ST3GAL4: variants seen among roughly 807,000 people sequenced by gnomAD.
The protein encoded by ST3GAL4 is CMP-N-acetylneuraminate-beta-galactosamide-alpha-2,3-sialyltransferase 4.
ST3GAL4 carries 24 observed loss-of-function variants against 42.6 expected under a neutral mutation model. The ratio of observed to expected loss-of-function variants is 0.56; its 90% CI spans 0.41 to 0.79. The LOEUF is 0.79. Among genes scored for constraint, ST3GAL4 ranks in the 30% least tolerant of loss-of-function variants. The pLI is 0.00. For synonymous variants in ST3GAL4, 135 were observed against 163.2 expected, an observed-to-expected ratio of 0.83 and a Z score of 1.32; for missense variants, 311 against 430.8, an observed-to-expected ratio of 0.72 and a Z score of 2.46.
At position 126,373,936 on chromosome 11, in the gene ST3GAL4, C is replaced by T. The variant is rs1341839437; in HGVS notation, c.-61+18094C>T. Among the ~76,000 whole-genome samples, 1 of 152,154 alleles carries T rather than the reference C, an allele frequency of 6.6e-6. No homozygotes were observed. ...ATCTGACCTACTGTCACTGCCTCTT[C>T]CACTCTGTTCCACCTGCACTGGAGC... On this transcript the variant is annotated intron_variant, in intron 1 of 10. Coordinates refer to ENST00000444328, the MANE Select transcript of ST3GAL4 (RefSeq NM_001254757.2). This position sits in a 1 kb window ranked among gnomAD's most constrained non-coding sequence, Gnocchi z 5.5.
chr11:126,358,363 A>T (rs77137587), intron 1 of ST3GAL4: 33,804 of 360,906 alleles, frequency 0.094, 2,050 homozygotes, highest in South Asian at 0.16. Context: ...GTGTAGGCAG[A>T]TTTGGGTGAC....
rs753318511 is a variant in ST3GAL4, at chr11:126,409,278, G to C, written c.638G>C (p.Gly213Ala). ...ILSDKKRVRK[G>A]FWKQPPLIWD... Reference sequence around the variant, plus strand: ...ACCCCATCCTCCTAGGTGCGAAAGGGTTTCTGGAAACAGCCTCCCCTCATC... The same window carrying C: ...ACCCCATCCTCCTAGGTGCGAAAGGCTTTCTGGAAACAGCCTCCCCTCATC... The change falls in exon 9 of 11, where the codon GGT (glycine) becomes GCT (alanine). Residue 213 changes from glycine (G) to alanine (A), a missense_variant. Physicochemically the swap from Gly to Ala is moderately conservative, Grantham distance 60. Transcript: ENST00000444328. The surrounding 1 kb of genome is among the most constrained non-coding windows in gnomAD (Gnocchi z 4.9). 6.2e-7 allele frequency: 1 copy of C among 1,614,250 alleles called. No individual in the cohort carries two copies. Among genetic ancestry groups the C allele is most frequent in the Non-Finnish European group, 8.5e-7 (1 of 1,180,048 alleles).
At chr11:126,370,913 C>T (rs868277549) in intron 1 of ST3GAL4, among the ~76,000 whole-genome samples, 1 of 152,098 alleles carries the variant, frequency 6.6e-6, no homozygotes, top group African/African-American at 2.4e-5. Flanking sequence ...ATCAATCTAC[C>T]TGCCTTGGCC....
Position 126,393,040 on chromosome 11 carries a change from A to G in ST3GAL4, c.-60-13056A>G, listed in dbSNP as rs746612213. On this transcript the variant is annotated intron_variant, in intron 1 of 10. Coordinates refer to ENST00000444328, the MANE Select transcript of ST3GAL4 (RefSeq NM_001254757.2). The surrounding 1 kb of genome is among the most constrained non-coding windows in gnomAD (Gnocchi z 5.9). ...ACTGCAGCCTCGATCTCCTGGACTC[A>G]GGGGGTCCTCCTGTCTCAGCCTCCC... is the stretch of plus-strand genomic sequence containing the variant. Among the ~76,000 whole-genome samples the G allele has an allele frequency of 1.1e-4, 17 of 149,304 alleles. No homozygotes were observed. Among genetic ancestry groups the G allele is most frequent in the Non-Finnish European group, 2.1e-4 (14 of 67,726 alleles).
At chr11:126,369,390 C>G (rs7103461) in intron 1 of ST3GAL4, among the ~76,000 whole-genome samples, 27,481 of 151,798 alleles carry the variant, frequency 0.18, 2,713 homozygotes, top group East Asian at 0.32. Context: ...TGGGATTACA[C>G]GTGTGTGCCA....
In ST3GAL4 at chr11:126,365,718, G is replaced by A. The variant is rs184149906; in HGVS notation, c.-61+9876G>A. ...CCAGAAAGTGTGAGCAGGCTGGTGG[G>A]GCAGCTGGAGGAAGGCCTTGCAGGT... On this transcript the variant is annotated intron_variant, in intron 1 of 10. Coordinates refer to ENST00000444328, the MANE Select transcript of ST3GAL4 (RefSeq NM_001254757.2). Among the ~76,000 whole-genome samples the A allele has an allele frequency of 1.8e-3, 276 of 152,300 alleles. 1 individual carries two copies. The highest frequency in any genetic ancestry group is 6.2e-3 in the African/African-American group (256 of 41,550).
chr11:126,401,404 C>G (rs538827731), intron 1 of ST3GAL4, among the ~76,000 whole-genome samples: 2 of 152,060 alleles, frequency 1.3e-5, no homozygotes, highest in Non-Finnish European at 2.9e-5. Context: ...CCCGTCTCTA[C>G]TAAACATACA....
In ST3GAL4 at chr11:126,402,398, G is replaced by A. The variant is rs576532898; in HGVS notation, c.-60-3698G>A. 5.4e-5 allele frequency among the ~76,000 whole-genome samples: 8 copies of A among 148,812 alleles called. 1 individual carries two copies. Among genetic ancestry groups the A allele is most frequent in the Admixed American group, 4.0e-4 (6 of 14,944 alleles). On this transcript the variant is annotated intron_variant, in intron 1 of 10. Transcript: ENST00000444328. ...TTGAACCTGGGAGGTGGAGGTTGCC[G>A]TAAGCTGATGGCACCACTGCACTTT...
rs1351388537 is a variant in ST3GAL4 at position 126,384,224 on chromosome 11, T to C, written c.-60-21872T>C. 6.6e-6 allele frequency among the ~76,000 whole-genome samples: 1 copy of C among 152,170 alleles called. No individual in the cohort carries two copies. The highest frequency in any genetic ancestry group is 2.4e-5 in the African/African-American group (1 of 41,424). On this transcript the variant is annotated intron_variant, in intron 1 of 10. Transcript: ENST00000444328. This position sits in a 1 kb window ranked among gnomAD's most constrained non-coding sequence, Gnocchi z 5.5. The stretch of plus-strand genomic sequence containing the variant: ...GTCCGTCTCAGTGCCCAGCAGTTGT[T>C]CTGGTGATGGGAGGTGGGAGTACAA...
At chr11:126,405,868 C>T (rs1954205292) in intron 1 of ST3GAL4, 6 of 576,064 alleles carry the variant, frequency 1.0e-5, no homozygotes, top group Non-Finnish European at 1.8e-5. Flanking sequence ...CCTGGCTGGA[C>T]CCTCGGTTTT....
intron 1 of ST3GAL4, among the ~76,000 whole-genome samples, chr11:126,369,978 C>T (rs1234403763): frequency 6.6e-6 from 1 of 152,176 alleles, no homozygotes; most frequent in Non-Finnish European, 1.5e-5. Context: ...CAGCATGCAT[C>T]GATTTGCATC....
chr11:126,391,371 C>T lies in ST3GAL4; in HGVS notation c.-60-14725C>T, dbSNP rs911612708. Among the ~76,000 whole-genome samples, 10 of 151,994 alleles carry T rather than the reference C, an allele frequency of 6.6e-5. No homozygotes were observed. Among genetic ancestry groups the T allele is most frequent in the Non-Finnish European group, 8.8e-5 (6 of 68,010 alleles). On this transcript the variant is annotated intron_variant, in intron 1 of 10. Transcript: ENST00000444328. This position sits in a 1 kb window ranked among gnomAD's most constrained non-coding sequence, Gnocchi z 5.5. ...GCATGATGTCTTGAGCACTTAGCAA[C>T]CTTGTGCCTGCTGAGTGGTGGAACA...
intron 1 of ST3GAL4, among the ~76,000 whole-genome samples, chr11:126,395,940 C>T (rs967458683): frequency 5.3e-5 from 8 of 152,138 alleles, no homozygotes; most frequent in African/African-American, 1.7e-4. Context: ...ACATGTGTCT[C>T]TGTGCATCAG....
At chr11:126,395,836 G>T (rs2135501147) in intron 1 of ST3GAL4, among the ~76,000 whole-genome samples, 1 of 152,290 alleles carries the variant, frequency 6.6e-6, no homozygotes, top group East Asian at 1.9e-4. Flanking sequence ...CCAGTCTCGT[G>T]CATGTCTTTA....
rs748070840 is a variant in ST3GAL4, at chr11:126,410,552, G to A, written c.771+1141G>A. ...TAGGAGTTTGAAAAATAATAATGAT[G>A]TAAAATACCTATTCTGGAGACCGGT... On this transcript the variant is annotated intron_variant, in intron 9 of 10. Transcript: ENST00000444328. This position sits in a 1 kb window ranked among gnomAD's most constrained non-coding sequence, Gnocchi z 5.3. Among the ~76,000 whole-genome samples, 76 of 152,320 alleles carry A rather than the reference G, an allele frequency of 5.0e-4. No homozygotes were observed. The highest frequency in any genetic ancestry group is 6.8e-4 in the Non-Finnish European group (46 of 68,030).
intron 9 of ST3GAL4, among the ~76,000 whole-genome samples, chr11:126,412,795 TTGAA>T (rs1292931808): frequency 6.6e-6 from 1 of 152,214 alleles, no homozygotes; most frequent in African/African-American, 2.4e-5. Context: ...TTCCTTTCCT[TTGAA>T]TGAGTTGCTT....
At chr11:126,407,204 C>T in intron 4 of ST3GAL4, 48 bp from the exon 5 acceptor site, 2 of 1,596,674 alleles carry the variant, frequency 1.3e-6, no homozygotes, top group South Asian at 2.2e-5. Flanking sequence ...CTTCTGGCAT[C>T]AAGATTAATT....
intron 9 of ST3GAL4, among the ~76,000 whole-genome samples, chr11:126,412,029 C>T (rs1370392274): frequency 2.0e-5 from 3 of 152,054 alleles, no homozygotes; most frequent in Non-Finnish European, 2.9e-5. Flanking sequence ...ACGATTCTGC[C>T]TTATATATTT....
chr11:126,399,139 A>G (rs1002627101), intron 1 of ST3GAL4, among the ~76,000 whole-genome samples: 1 of 152,144 alleles, frequency 6.6e-6, no homozygotes, highest in South Asian at 2.1e-4. Flanking sequence ...CAAGTGGTCC[A>G]TACTAATATT....
Sources: allele counts gnomAD v4.1 joint callset (sites outside exome capture counted in the v4.1 genomes callset), GRCh38; gene constraint gnomAD v4.1.1; non-coding constraint Gnocchi (gnomAD v3.1); transcripts MANE v1.5; gene names NCBI Gene and HGNC (gene_info 2026-07-23, HGNC 2026-07-21).